The following SCFD1 variants were observed in gnomAD, a reference collection of about 807,000 sequenced individuals.
The protein encoded by SCFD1 is sec1 family domain-containing protein 1.
In SCFD1, 37 loss-of-function variants were observed where a neutral mutation model predicts 103.2. The observed-to-expected ratio is 0.36, with a 90% CI of 0.28 to 0.47. The LOEUF is 0.47. Ranked by LOEUF, SCFD1 falls within the 20% of genes least tolerant of loss-of-function variation. The pLI, the probability that SCFD1 is intolerant of heterozygous loss-of-function variation, is 1.00. For synonymous variants in SCFD1, 264 were observed against 245.0 expected, an observed-to-expected ratio of 1.08 and a Z score of -0.73; for missense variants, 639 against 761.2, an observed-to-expected ratio of 0.84 and a Z score of 1.89.
chr14:30,724,441 C>T (rs1478867105), intron 23 of SCFD1, among the ~76,000 whole-genome samples: 1 of 151,608 alleles, frequency 6.6e-6, no homozygotes, highest in African/African-American at 2.4e-5. Flanking sequence ...TTAGTAGACA[C>T]GGAGTTACAC....
chr14:30,631,078 G>T (rs1219973294), intron 3 of SCFD1, among the ~76,000 whole-genome samples: 1 of 152,178 alleles, frequency 6.6e-6, no homozygotes, highest in African/African-American at 2.4e-5. Context: ...ATAAAACCGG[G>T]CACGGTGGCT....
At chr14:30,679,209 T>C (rs1015327232) in intron 14 of SCFD1, among the ~76,000 whole-genome samples, 6 of 151,190 alleles carry the variant, frequency 4.0e-5, no homozygotes, top group Admixed American at 2.0e-4. Flanking sequence ...CTTGTGCCTT[T>C]TTCTGCTCTC....
At chr14:30,628,670 C>A (rs1421286183) in intron 2 of SCFD1, among the ~76,000 whole-genome samples, 1 of 152,116 alleles carries the variant, frequency 6.6e-6, no homozygotes, top group African/African-American at 2.4e-5. Flanking sequence ...AACTGTAATA[C>A]CACTTTAATA....
At chr14:30,667,935 C>G (rs909326542) in intron 10 of SCFD1, among the ~76,000 whole-genome samples, 3 of 152,234 alleles carry the variant, frequency 2.0e-5, no homozygotes, top group African/African-American at 7.2e-5. Context: ...ATTCCATGCT[C>G]ATGGATAGGA....
At chr14:30,716,958 TGAA>T (rs909591147) in intron 20 of SCFD1, among the ~76,000 whole-genome samples, 1 of 152,156 alleles carries the variant, frequency 6.6e-6, no homozygotes, top group Non-Finnish European at 1.5e-5. Flanking sequence ...TGGTATACAA[TGAA>T]GTAATAATAG....
At chr14:30,678,319 C>T (rs965635442) in intron 14 of SCFD1, among the ~76,000 whole-genome samples, 4 of 152,032 alleles carry the variant, frequency 2.6e-5, no homozygotes, top group African/African-American at 4.8e-5. Context: ...GCAGTTACCC[C>T]GCAATTGATG....
intron 9 of SCFD1, among the ~76,000 whole-genome samples, chr14:30,651,232 T>C (rs1229737346): frequency 6.6e-6 from 1 of 152,164 alleles, no homozygotes; most frequent in Non-Finnish European, 1.5e-5. Context: ...AAGAAGAGAT[T>C]ATATTCTGGA....
chr14:30,702,754 C>T (rs1037606346), intron 17 of SCFD1, among the ~76,000 whole-genome samples: 3 of 152,106 alleles, frequency 2.0e-5, no homozygotes, highest in East Asian at 1.9e-4. Flanking sequence ...GGAAAATTCA[C>T]TTGTGCATTT....
Position 30,670,309 on chromosome 14 carries a change from T to G in SCFD1, c.909T>G (p.Ser303=). ...AAGAATCTTCAGGAGTGGAAAACTC[T>G]CCAGCTGGTGCTAGACCAAAGAGAA... The part of the protein sequence containing the change: ...NLEESSGVEN[S]PAGARPKRKN... Residue 303 remains serine, a synonymous_variant, in exon 11 of 25, where the codon TCT becomes TCG. Transcript: ENST00000458591. 6.3e-7 allele frequency: 1 copy of G among 1,598,094 alleles called. No individual in the cohort carries two copies.
At position 30,733,010 on chromosome 14, in the gene SCFD1, C is replaced by CT. The variant is rs544945622; in HGVS notation, c.1837-1767dup. The stretch of plus-strand genomic sequence containing the variant: ...ATTTTATAAAGTTCGATTTTTTTTT[C>CT]TTTTTTTTTTTTTGAGACAGAGTCT... On this transcript the variant is annotated intron_variant, in intron 23 of 24. Transcript: ENST00000458591. Among the ~76,000 whole-genome samples the CT allele has an allele frequency of 3.5e-3, 500 of 141,752 alleles. 1 individual carries two copies. The highest frequency in any genetic ancestry group is 6.7e-3 in the South Asian group (30 of 4,502). 93.0% of individuals were successfully genotyped at this position (141,752 alleles called of 152,430 possible).
rs1321491937 is a variant in SCFD1 at position 30,670,260 on chromosome 14, T to C, written c.860T>C (p.Phe287Ser). ...YQALVHDVLD[F>S]HLNRVNLEES... is the part of the protein sequence containing the mutation. ...CACAAGATTACTTTTTCCTAGGATT[T>C]CCATTTAAACAGGGTTAATTTGGAA... The change falls in exon 11 of 25, where the codon TTC becomes TCC. Residue 287 changes from phenylalanine to serine, a missense_variant. Coordinates refer to ENST00000458591, the MANE Select transcript of SCFD1 (RefSeq NM_016106.4). 8.2e-6 allele frequency: 13 copies of C among 1,581,558 alleles called. No homozygotes were observed. The highest frequency in any genetic ancestry group is 1.1e-5 in the Non-Finnish European group (13 of 1,168,286).
intron 1 of SCFD1, among the ~76,000 whole-genome samples, chr14:30,627,272 A>G (rs999125260): frequency 1.3e-5 from 2 of 152,202 alleles, no homozygotes; most frequent in African/African-American, 2.4e-5. Flanking sequence ...TGGAATTATC[A>G]GTTATCTACT....
chr14:30,662,432 C>A (rs1887533751), intron 10 of SCFD1, among the ~76,000 whole-genome samples: 1 of 152,184 alleles, frequency 6.6e-6, no homozygotes, highest in African/African-American at 2.4e-5. Context: ...GTTCTGTTCA[C>A]TTCCATCGTT....
chr14:30,653,217 C>T (rs746181935), intron 9 of SCFD1, among the ~76,000 whole-genome samples: 4 of 152,080 alleles, frequency 2.6e-5, no homozygotes, highest in South Asian at 2.1e-4. Flanking sequence ...AGAAGGATTG[C>T]TTGAGCCCAG....
chr14:30,634,995 T>A (rs758210006), intron 4 of SCFD1: 5 of 455,830 alleles, frequency 1.1e-5, no homozygotes, highest in Non-Finnish European at 2.2e-5. Flanking sequence ...CTAGCAAGAT[T>A]CTTTTAGCAA....
At chr14:30,638,309 C>T in intron 5 of SCFD1, 62 bp downstream of exon 5, 1 of 1,606,150 alleles carries the variant, frequency 6.2e-7, no homozygotes, top group East Asian at 2.2e-5. Flanking sequence ...TGTTCTGAAA[C>T]CCGTAGTTGG....
chr14:30,719,420 T>C (rs1566660111), intron 21 of SCFD1, 43 bp downstream of exon 21: 1 of 1,436,568 alleles, frequency 7.0e-7, no homozygotes, highest in Non-Finnish European at 9.7e-7. Context: ...TTTTTTCCCC[T>C]CGAGAATGGA....
intron 14 of SCFD1, among the ~76,000 whole-genome samples, chr14:30,692,100 A>G (rs1890355015): frequency 6.6e-6 from 1 of 152,062 alleles, no homozygotes; most frequent in Non-Finnish European, 1.5e-5. Context: ...TGAGTTTTAC[A>G]TATGCAGTCA....
chr14:30,648,871 G>A (rs1232378917), intron 7 of SCFD1, among the ~76,000 whole-genome samples: 4 of 151,986 alleles, frequency 2.6e-5, no homozygotes, highest in Non-Finnish European at 4.4e-5. Context: ...CTACTCAGGA[G>A]GCTGAGGTGG....
Sources: gnomAD v4.1 joint callset for allele counts (sites outside exome capture counted in the v4.1 genomes callset) on GRCh38, gnomAD v4.1.1 for gene constraint, MANE v1.5 for transcripts, NCBI Gene and HGNC (gene_info 2026-07-23, HGNC 2026-07-21) for gene names.